ATXN1: variants seen among roughly 807,000 people sequenced by gnomAD.
ATXN1 encodes the protein ataxin-1.
A neutral mutation model predicts 56.4 loss-of-function variants in ATXN1; 8 were observed. That is an observed-to-expected ratio of 0.14 (90% CI 0.08 to 0.26). The LOEUF (loss-of-function observed/expected upper bound fraction) is 0.26, where lower values mean the gene tolerates loss of function less well. Among genes scored for constraint, ATXN1 ranks in the 10% least tolerant of loss-of-function variants. The probability of loss-of-function intolerance (pLI) is 1.00; values close to 1 mark genes in which losing one functional copy is unlikely to be tolerated. For synonymous variants in ATXN1, 514 were observed against 494.6 expected (o/e 1.04, Z -0.52); for missense variants, 987 against 1,106.5 (o/e 0.89, Z 1.53).
intron 7 of ATXN1, among the ~76,000 whole-genome samples, chr6:16,309,459 G>GT (rs1760337665): frequency 6.6e-6 from 1 of 151,948 alleles, no homozygotes; most frequent in South Asian, 2.1e-4. Context: ...ATGGAGGAGA[G>GT]GGTAAGAGAC....
At chr6:16,465,316 G>T (rs1760082139) in intron 6 of ATXN1, among the ~76,000 whole-genome samples, 1 of 152,190 alleles carries the variant, frequency 6.6e-6, no homozygotes, top group Admixed American at 6.5e-5. Context: ...AATTAGCTGG[G>T]CATGGTGGCA....
intron 6 of ATXN1, among the ~76,000 whole-genome samples, chr6:16,348,050 G>A (rs558450460): frequency 7.9e-5 from 12 of 152,280 alleles, no homozygotes; most frequent in East Asian, 1.9e-4. Flanking sequence ...TTTAAGAACT[G>A]TAACACTCAC....
rs1231020540 is a variant in ATXN1 at position 16,299,969 on chromosome 6, G to A, written c.*6360C>T. On this transcript the variant is annotated 3_prime_UTR_variant, in exon 8 of 8. Transcript: ENST00000436367. Reference sequence around the variant, plus strand: ...TTCCTGTAAGAACCAGAGAAAACCTGTGCACCGAGCTTCTTGGTAACTGCT... The same window carrying A: ...TTCCTGTAAGAACCAGAGAAAACCTATGCACCGAGCTTCTTGGTAACTGCT... The A allele has an allele frequency of 3.9e-5, 6 of 152,662 alleles. No homozygotes were observed. The highest frequency in any genetic ancestry group is 7.3e-5 in the Non-Finnish European group (5 of 68,050). The allele number at this position is 152,662 out of a possible 1,614,324, so 9.5% of individuals were successfully genotyped here. A position where few individuals can be genotyped will look rare whatever the true frequency, so the allele number is the denominator to read the frequency against.
chr6:16,516,489 T>A (rs1761185816), intron 5 of ATXN1, among the ~76,000 whole-genome samples: 1 of 152,136 alleles, frequency 6.6e-6, no homozygotes, highest in Non-Finnish European at 1.5e-5. Flanking sequence ...CTTCCAGTGA[T>A]CATGAAAGAG....
intron 6 of ATXN1, among the ~76,000 whole-genome samples, chr6:16,400,395 T>C (rs1758543164): frequency 6.6e-6 from 1 of 152,188 alleles, no homozygotes; most frequent in African/African-American, 2.4e-5. Flanking sequence ...TCCTCTATCC[T>C]CATTCGAAAA....
intron 4 of ATXN1, among the ~76,000 whole-genome samples, chr6:16,583,798 A>G (rs72825531): frequency 0.023 from 3,509 of 152,326 alleles, 59 homozygotes; most frequent in Non-Finnish European, 0.034. Context: ...TACTCCACTA[A>G]TACAAATTAA....
chr6:16,543,632 T>TAAAAAA (rs566914364), intron 4 of ATXN1, among the ~76,000 whole-genome samples: 2 of 106,374 alleles, frequency 1.9e-5, no homozygotes, highest in East Asian at 5.4e-4. Flanking sequence ...GCTATTTTCC[T>TAAAAAA]AAAAAAAAAA....
At chr6:16,518,804 T>C (rs1473205551) in intron 5 of ATXN1, among the ~76,000 whole-genome samples, 1 of 152,084 alleles carries the variant, frequency 6.6e-6, no homozygotes, top group Non-Finnish European at 1.5e-5. Flanking sequence ...ACAAATTCAA[T>C]ACAGTGAATA....
At chr6:16,575,936 G>A (rs999168614) in intron 4 of ATXN1, among the ~76,000 whole-genome samples, 1 of 152,026 alleles carries the variant, frequency 6.6e-6, no homozygotes, top group Non-Finnish European at 1.5e-5. Context: ...AGAGACACAC[G>A]CCATCACACA....
At chr6:16,654,558 AAAAAAAAAG>A (rs1420667801) in intron 3 of ATXN1, among the ~76,000 whole-genome samples, 51 of 115,706 alleles carry the variant, frequency 4.4e-4, no homozygotes, top group African/African-American at 1.5e-3. Flanking sequence ...AAAAAAAAAA[AAAAAAAAAG>A]AGAGAGAGAG....
chr6:16,635,511 TG>T (rs1453830049), intron 3 of ATXN1, among the ~76,000 whole-genome samples: 2 of 152,012 alleles, frequency 1.3e-5, no homozygotes, highest in African/African-American at 4.8e-5. Flanking sequence ...GCCCAGAAAC[TG>T]AGGATGTGAC....
intron 3 of ATXN1, among the ~76,000 whole-genome samples, chr6:16,645,476 T>G (rs923071093): frequency 6.6e-6 from 1 of 152,178 alleles, no homozygotes; most frequent in African/African-American, 2.4e-5. Context: ...AACGTGGACT[T>G]AAACCAGTGG....
At chr6:16,365,702 C>A (rs921475311) in intron 6 of ATXN1, among the ~76,000 whole-genome samples, 1 of 152,202 alleles carries the variant, frequency 6.6e-6, no homozygotes, top group Non-Finnish European at 1.5e-5. Context: ...TGCATTCAGT[C>A]CCAAAACTGT....
chr6:16,569,032 G>C (rs1762282697), intron 4 of ATXN1, among the ~76,000 whole-genome samples: 1 of 152,184 alleles, frequency 6.6e-6, no homozygotes, highest in Admixed American at 6.5e-5. Flanking sequence ...GATGAATGAA[G>C]TAAAGTAGAA....
At chr6:16,362,511 C>T (rs179971) in intron 6 of ATXN1, among the ~76,000 whole-genome samples, 101,044 of 151,744 alleles carry the variant, frequency 0.67, 34,711 homozygotes, top group Admixed American at 0.78. Flanking sequence ...ACTTCGCTCC[C>T]GCCCGGTCCC....
intron 2 of ATXN1, chr6:16,739,534 G>T: frequency 4.0e-6 from 1 of 248,556 alleles, no homozygotes; most frequent in Non-Finnish European, 8.5e-6. Flanking sequence ...TTTTTCTAGT[G>T]TATTTGTGTA....
intron 2 of ATXN1, among the ~76,000 whole-genome samples, chr6:16,712,715 C>CTT (rs36016138): frequency 0.046 from 6,641 of 145,352 alleles, 506 homozygotes; most frequent in African/African-American, 0.16. Context: ...TCCGTTTTTG[C>CTT]TTTTTTTTTT....
chr6:16,538,740 C>G (rs1011830106), intron 4 of ATXN1, among the ~76,000 whole-genome samples: 5 of 152,164 alleles, frequency 3.3e-5, no homozygotes. Context: ...GGATGGAGTG[C>G]AATGGCACTA....
chr6:16,534,884 G>T (rs538304564), intron 4 of ATXN1, among the ~76,000 whole-genome samples: 2 of 152,358 alleles, frequency 1.3e-5, no homozygotes, highest in South Asian at 4.1e-4. Context: ...GGTCGCACCA[G>T]CCCTTCTGTA....
Sources: gnomAD v4.1 joint callset for allele counts (sites outside exome capture counted in the v4.1 genomes callset) on GRCh38, gnomAD v4.1.1 for gene constraint, MANE v1.5 for transcripts, NCBI Gene and HGNC (gene_info 2026-07-23, HGNC 2026-07-21) for gene names.